The following ACSM3 variants were observed in gnomAD, a reference collection of about 807,000 sequenced individuals.
ACSM3 encodes the protein acyl-coenzyme A synthetase ACSM3, mitochondrial.
A neutral mutation model predicts 74.1 loss-of-function variants in ACSM3; 61 were observed. The observed-to-expected ratio is 0.82, with a 90% CI of 0.67 to 1.02. The LOEUF (loss-of-function observed/expected upper bound fraction) is 1.02, where lower values mean the gene tolerates loss of function less well. Ranked by LOEUF, ACSM3 falls within the 50% of genes least tolerant of loss-of-function variation. The probability of loss-of-function intolerance (pLI) is 0.00; values close to 1 mark genes in which losing one functional copy is unlikely to be tolerated. For missense variants in ACSM3, 660 were observed against 697.0 expected (o/e 0.95, Z 0.60); for synonymous variants, 213 against 241.5 (o/e 0.88, Z 1.09).
rs986901429 is a variant in ACSM3, at chr16:20,729,428, G to T, written c.-189-20482G>T. 4 of 850,518 alleles carry T rather than the reference G, an allele frequency of 4.7e-6. No individual in the cohort carries two copies. The African/African-American group carries it at 6.7e-5, about 14-fold the overall frequency. The allele number at this position is 850,518 out of a possible 1,614,324, so 52.7% of individuals were successfully genotyped here. ...GAGCTCTCCTACTGGAGGATGTGGT[G>T]GTCAAAGGCTTCTTTTCCTTTTCAG... On this transcript the variant is annotated intron_variant, in intron 1 of 3. Coordinates refer to the ACSM3 transcript ENST00000561584.
chr16:20,792,825 T>A, intron 12 of ACSM3: 1 of 547,444 alleles, frequency 1.8e-6, no homozygotes, highest in South Asian at 8.0e-5. Flanking sequence ...GGAAATAAAC[T>A]CTGAATAACA....
chr16:20,688,962 CTTA>C (rs1399443429), intron 1 of ACSM3, among the ~76,000 whole-genome samples: 6 of 148,016 alleles, frequency 4.1e-5, no homozygotes, highest in East Asian at 1.9e-4. Context: ...TATATGTTAA[CTTA>C]TTAACATATA....
intron 1 of ACSM3, among the ~76,000 whole-genome samples, chr16:20,699,967 C>G (rs1220879482): frequency 6.6e-6 from 1 of 152,184 alleles, no homozygotes; most frequent in Non-Finnish European, 1.5e-5. Flanking sequence ...GAACAATAAA[C>G]TCCATGTGGA....
At chr16:20,772,164 A>C (rs953693245) in intron 2 of ACSM3, among the ~76,000 whole-genome samples, 1 of 152,132 alleles carries the variant, frequency 6.6e-6, no homozygotes, top group Admixed American at 6.6e-5. Context: ...TCAGGTGAAT[A>C]GTTCACAAAT....
chr16:20,787,218 C>T (rs1027525579), intron 9 of ACSM3, among the ~76,000 whole-genome samples: 2 of 152,198 alleles, frequency 1.3e-5, no homozygotes, highest in African/African-American at 4.8e-5. Context: ...TTGAAAACAT[C>T]CTAAGTCACA....
At chr16:20,776,089 C>T (rs1266580559) in intron 3 of ACSM3, 40 bp downstream of exon 3, 1 of 1,598,340 alleles carries the variant, frequency 6.3e-7, no homozygotes, top group African/African-American at 1.3e-5. Flanking sequence ...TATTACTAAG[C>T]TGGAGGGGAG....
At chr16:20,718,512 G>GT (rs2079773796) in intron 1 of ACSM3, 1 of 306,780 alleles carries the variant, frequency 3.3e-6, no homozygotes, top group Admixed American at 5.2e-5. Flanking sequence ...GAAAACTCTG[G>GT]TTTTGGGTTT....
intron 2 of ACSM3, among the ~76,000 whole-genome samples, chr16:20,774,163 T>C (rs2080226062): frequency 6.6e-6 from 1 of 152,062 alleles, no homozygotes; most frequent in Non-Finnish European, 1.5e-5. Context: ...TCATGTGATA[T>C]AAGCATAGCT....
At chr16:20,751,371 T>G (rs1050472045) in intron 2 of ACSM3, among the ~76,000 whole-genome samples, 2 of 152,226 alleles carry the variant, frequency 1.3e-5, no homozygotes, top group African/African-American at 2.4e-5. Context: ...GTAGAACTAT[T>G]TATAAAAATG....
intron 9 of ACSM3, among the ~76,000 whole-genome samples, chr16:20,789,760 CCCAT>C (rs1192764358): frequency 6.6e-6 from 1 of 151,076 alleles, no homozygotes; most frequent in East Asian, 1.9e-4. Context: ...CTGCAACCTC[CCCAT>C]CCCGGGTTCA....
At chr16:20,692,943 G>A (rs557917843) in intron 1 of ACSM3, among the ~76,000 whole-genome samples, 76 of 152,210 alleles carry the variant, frequency 5.0e-4, no homozygotes, top group African/African-American at 1.8e-3. Context: ...GGCTGAGGCA[G>A]GTGGATCATG....
At chr16:20,677,314 G>C (rs1469729135) in intron 1 of ACSM3, among the ~76,000 whole-genome samples, 3 of 151,802 alleles carry the variant, frequency 2.0e-5, no homozygotes, top group Non-Finnish European at 4.4e-5. Context: ...ATGCCCATAA[G>C]TGAAAGGGAG....
chr16:20,742,792 A>AATAT (rs1216173827), intron 1 of ACSM3, among the ~76,000 whole-genome samples: 31 of 136,414 alleles, frequency 2.3e-4, no homozygotes, highest in South Asian at 4.9e-4. Context: ...GGTGCGTGTA[A>AATAT]ATATATATAT....
chr16:20,770,685 C>T (rs772457111), intron 2 of ACSM3, among the ~76,000 whole-genome samples: 12 of 151,994 alleles, frequency 7.9e-5, no homozygotes, highest in Non-Finnish European at 1.5e-4. Context: ...ATGATTTGGG[C>T]CAAAAGAAAT....
At chr16:20,687,583 C>A (rs1418183613) in intron 1 of ACSM3, among the ~76,000 whole-genome samples, 1 of 152,104 alleles carries the variant, frequency 6.6e-6, no homozygotes, top group Non-Finnish European at 1.5e-5. Flanking sequence ...AGCAGGAAAA[C>A]ATGGCTCATT....
intron 1 of ACSM3, among the ~76,000 whole-genome samples, chr16:20,731,007 G>A (rs774486946): frequency 2.6e-5 from 4 of 152,144 alleles, no homozygotes; most frequent in Non-Finnish European, 5.9e-5. Flanking sequence ...CTACACATGT[G>A]CATTATCGTG....
chr16:20,725,389 C>G (rs796151272), intron 1 of ACSM3: 9 of 246,848 alleles, frequency 3.6e-5, no homozygotes, highest in African/African-American at 2.1e-4. Flanking sequence ...CATCACAACC[C>G]TGTGCAGCCC....
intron 1 of ACSM3, among the ~76,000 whole-genome samples, chr16:20,742,723 G>A (rs1286648520): frequency 1.3e-5 from 2 of 150,902 alleles, no homozygotes; most frequent in African/African-American, 4.9e-5. Flanking sequence ...ACGGACAAGT[G>A]GCTGACTCTG....
intron 9 of ACSM3, among the ~76,000 whole-genome samples, chr16:20,787,397 CA>C (rs1455267299): frequency 6.6e-6 from 1 of 152,146 alleles, no homozygotes; most frequent in Non-Finnish European, 1.5e-5. Flanking sequence ...ACAGCAAAAG[CA>C]GCAAAAATAT....
Sources: allele counts gnomAD v4.1 joint callset (sites outside exome capture counted in the v4.1 genomes callset), GRCh38; gene constraint gnomAD v4.1.1; transcripts MANE v1.5; gene names NCBI Gene and HGNC (gene_info 2026-07-23, HGNC 2026-07-21).